Variants in TTN observed in about 807,000 individuals in gnomAD.
The protein encoded by TTN is titin.
In TTN, 1,525 loss-of-function variants were observed where a neutral mutation model predicts 3,223.0. That is an observed-to-expected ratio of 0.47 (90% CI 0.45 to 0.49). The LOEUF is 0.49. Ranked by LOEUF, TTN falls within the 20% of genes least tolerant of loss-of-function variation. The probability of loss-of-function intolerance (pLI) is 0.00; values close to 1 mark genes in which losing one functional copy is unlikely to be tolerated. For synonymous variants in TTN, 14,094 were observed against 15,161.0 expected, an observed-to-expected ratio of 0.93 and a Z score of 5.17; for missense variants, 40,786 against 43,424.0, an observed-to-expected ratio of 0.94 and a Z score of 5.40.
intron 218 of TTN, chr2:178,644,145 T>A (rs1405057071): frequency 6.4e-6 from 1 of 155,352 alleles, no homozygotes; most frequent in Non-Finnish European, 1.4e-5. Context: ...AAAAGGAAGA[T>A]AGGACTTATT....
Position 178,590,098 on chromosome 2 carries a change from C to T in TTN, c.61627G>A (p.Asp20543Asn). The part of the protein sequence containing the change: ...ELQIKEAVRA[D>N]HGKYIISAKN... The stretch of plus-strand genomic sequence containing the variant: ...GCTGAGATGATATACTTGCCATGAT[C>T]AGCTCTAACAGCTTCTTTAATTTGT... The change falls in exon 304 of 363, where the codon GAT becomes AAT. Residue 20543 changes from aspartate (D) to asparagine (N), a missense_variant. Asp to Asn is a conservative substitution (Grantham distance 23, BLOSUM62 1). Coordinates refer to ENST00000589042, the MANE Select transcript of TTN (RefSeq NM_001267550.2). 2 of 1,613,202 alleles carry T rather than the reference C, an allele frequency of 1.2e-6. No homozygotes were observed. The highest frequency in any genetic ancestry group is 8.5e-7 in the Non-Finnish European group (1 of 1,179,470).
chr2:178,664,436 A>G, intron 168 of TTN, 24 bp downstream of exon 168: 1 of 1,580,190 alleles, frequency 6.3e-7, no homozygotes, highest in Non-Finnish European at 8.6e-7. Flanking sequence ...CTATCCCACC[A>G]TAAAAAGACA....
At position 178,580,500 on chromosome 2, in the gene TTN, A is replaced by G; in HGVS notation, c.66879T>C (p.Ile22293=). The change falls in exon 317 of 363, where the codon ATT becomes ATC. Residue 22293 remains isoleucine (I), a synonymous_variant. Coordinates refer to ENST00000589042, the MANE Select transcript of TTN (RefSeq NM_001267550.2). ...VPVKGRPPPK[I]TWSKPNVNLR... is the part of the protein sequence containing the mutation. The stretch of plus-strand genomic sequence containing the variant: ...GATTGACATTTGGTTTAGACCAAGT[A>G]ATCTTTGGAGGTGGGCGTCCTTTTA... 1 of 1,612,982 alleles carries G rather than the reference A, an allele frequency of 6.2e-7. No homozygotes were observed. The highest frequency in any genetic ancestry group is 2.2e-5 in the East Asian group (1 of 44,674).
rs2049807287 is a variant in TTN at position 178,589,707 on chromosome 2, T to G, written c.62018A>C (p.Glu20673Ala). 6.2e-7 allele frequency: 1 copy of G among 1,613,578 alleles called. No homozygotes were observed. Among genetic ancestry groups the G allele is most frequent in the Non-Finnish European group, 8.5e-7 (1 of 1,179,614 alleles). ...INPIDRPGEP[E>A]NLHIADKGKT... is the part of the protein sequence containing the mutation. ...TCCTTTATCTGCAATGTGAAGGTTT[T>G]CAGGCTCACCTGGTCTGTCAATAGG... is the stretch of plus-strand genomic sequence containing the variant. Residue 20673 changes from glutamate (E) to alanine (A), a missense_variant, in exon 304 of 363, where the codon GAA (glutamate) becomes GCA (alanine). Glu to Ala is a moderately radical substitution (Grantham distance 107). Transcript: ENST00000589042.
chr2:178,785,637 T>C lies in TTN; in HGVS notation c.2476A>G (p.Thr826Ala), dbSNP rs1328325057. Residue 826 changes from threonine (T) to alanine (A), a missense_variant, in exon 15 of 363, where the codon ACA becomes GCA. Coordinates refer to ENST00000589042, the MANE Select transcript of TTN (RefSeq NM_001267550.2). ...CTTCTTACCTCATATCCATGTTCTG[T>C]CTTAGGAACAGAAATTTTTGAAACA... ...FTVSKISVPK[T>A]EHGYEASIAG... 6.2e-7 allele frequency: 1 copy of C among 1,614,120 alleles called. No homozygotes were observed.
rs371958365 is a variant in TTN at position 178,666,959 on chromosome 2, C to A, written c.35798-58G>T. 5.6e-6 allele frequency: 7 copies of A among 1,249,334 alleles called. 1 individual carries two copies. In the South Asian group the frequency reaches 1.1e-4, roughly 19 times the overall value. The allele number at this position is 1,249,334 out of a possible 1,614,324, so 77.4% of individuals were successfully genotyped here. ...AAAAGGCAAAGGCATAAAGACATGA[C>A]ATACTAAGAAAGTTAGATATGTTAA... On this transcript the variant is annotated intron_variant, in intron 162 of 362. Transcript: ENST00000589042.
chr2:178,667,512 G>T lies in TTN; in HGVS notation c.35643C>A (p.Pro11881=). Residue 11881 remains proline, a synonymous_variant, in exon 161 of 363, where the codon CCC becomes CCA. Transcript: ENST00000589042. ...KPKLAKVPEP[P]KKVVPEDKIY... The stretch of plus-strand genomic sequence containing the variant: ...TTTTGTCTTCTGGAACAACTTTCTT[G>T]GGTGGCTCAGGCACTTAAAAGATAT... 1.3e-6 allele frequency: 2 copies of T among 1,597,626 alleles called. No individual in the cohort carries two copies. Among genetic ancestry groups the T allele is most frequent in the Non-Finnish European group, 1.7e-6 (2 of 1,179,108 alleles).
In TTN at chr2:178,633,887, T is replaced by C. The variant is rs374805748; in HGVS notation, c.42612A>G (p.Thr14204=). ...KTHKLEMKEV[T]LDDISQIKAQ... Reference sequence around the variant, plus strand: ...CTTTTATCTGAGATATATCATCCAATGTCACTTCTTTCATTTCCAATTTGT... The same window carrying C: ...CTTTTATCTGAGATATATCATCCAACGTCACTTCTTTCATTTCCAATTTGT... Residue 14204 remains threonine (T), a synonymous_variant, in exon 231 of 363, where the codon ACA becomes ACG. Transcript: ENST00000589042. 1.1e-5 allele frequency: 17 copies of C among 1,613,374 alleles called. No homozygotes were observed. Among genetic ancestry groups the C allele is most frequent in the Non-Finnish European group, 1.4e-5 (17 of 1,179,592 alleles).
At chr2:178,801,934 A>G (rs919895555) in intron 3 of TTN, among the ~76,000 whole-genome samples, 1 of 152,232 alleles carries the variant, frequency 6.6e-6, no homozygotes, top group African/African-American at 2.4e-5. Flanking sequence ...ACTGATTCTC[A>G]GTCACTTTTA....
At chr2:178,751,190 C>T (rs1250208356) in intron 47 of TTN, 2 of 1,610,574 alleles carry the variant, frequency 1.2e-6, no homozygotes, top group African/African-American at 1.3e-5. Context: ...ATCTTTATCA[C>T]TAGCTTCACT....
rs777150584 is a variant in TTN at position 178,548,805 on chromosome 2, C to T, written c.92821G>A (p.Ala30941Thr). The T allele has an allele frequency of 1.6e-5, 26 of 1,612,582 alleles. No homozygotes were observed. Among genetic ancestry groups the T allele is most frequent in the Middle Eastern group, 1.6e-4 (1 of 6,080 alleles). ...FKQTHVVRAG[A>T]SIRLFIAYQG... Reference sequence around the variant, plus strand: ...TAGGCAATGAAGAGGCGAATACTGGCCCCAGCTCTAACAACATGAGTCTGT... The same window carrying T: ...TAGGCAATGAAGAGGCGAATACTGGTCCCAGCTCTAACAACATGAGTCTGT... The change falls in exon 339 of 363, where the codon GCC becomes ACC. Residue 30941 changes from alanine (A) to threonine (T), a missense_variant. Ala to Thr is a moderately conservative substitution (Grantham distance 58). Transcript: ENST00000589042. The surrounding 1 kb of genome is among the most constrained non-coding windows in gnomAD (Gnocchi z 4.3).
At chr2:178,600,229 A>G (rs1037282799) in intron 288 of TTN, among the ~76,000 whole-genome samples, 14 of 151,908 alleles carry the variant, frequency 9.2e-5, no homozygotes, top group African/African-American at 3.4e-4. Context: ...ATACACAAGA[A>G]GGTGAATTCC....
In TTN at chr2:178,557,837, A is replaced by G; in HGVS notation, c.87517T>C (p.Tyr29173His). 6.2e-7 allele frequency: 1 copy of G among 1,613,942 alleles called. No homozygotes were observed. Among genetic ancestry groups the G allele is most frequent in the Non-Finnish European group, 8.5e-7 (1 of 1,179,838 alleles). The stretch of plus-strand genomic sequence containing the variant: ...CTTGTTTCTCTTTTGAGTAGAATGT[A>G]GTTGGTAACTTGACTTCCACCGTCA... ...KYDGGSQVTNYILLKRETSTA... is the reference protein window; with the variant it reads ...KYDGGSQVTNHILLKRETSTA... The change falls in exon 328 of 363, where the codon TAC (tyrosine) becomes CAC (histidine). Residue 29173 changes from tyrosine (Y) to histidine (H), a missense_variant. By Grantham distance (83) the Tyr-to-His change is moderately conservative. Coordinates refer to ENST00000589042, the MANE Select transcript of TTN (RefSeq NM_001267550.2).
At chr2:178,675,650 C>A in intron 149 of TTN, 21 bp downstream of exon 149, 1 of 1,391,128 alleles carries the variant, frequency 7.2e-7, no homozygotes, top group Non-Finnish European at 9.3e-7. Flanking sequence ...GCAAACATAT[C>A]CCTGTTATGG....
chr2:178,653,040 C>G lies in TTN; in HGVS notation c.38875+1G>C. 6.2e-7 allele frequency: 1 copy of G among 1,613,036 alleles called. No homozygotes were observed. The highest frequency in any genetic ancestry group is 1.3e-5 in the African/African-American group (1 of 74,910). On this transcript the variant is annotated splice_donor_variant, in intron 199 of 362. Coordinates refer to ENST00000589042, the MANE Select transcript of TTN (RefSeq NM_001267550.2). LOFTEE classifies it high-confidence loss of function. ...TGAAGCCTAAAGCCAGTGACAAATA[C>G]CTTTAACAGGTGGGACTTCAGGTTT...
Position 178,711,977 on chromosome 2 carries a change from C to T in TTN, c.27853G>A (p.Glu9285Lys). 6.2e-7 allele frequency: 1 copy of T among 1,607,234 alleles called. No homozygotes were observed. Among genetic ancestry groups the T allele is most frequent in the Non-Finnish European group, 8.5e-7 (1 of 1,175,610 alleles). Reference protein sequence around the residue: ...YICKAENSVGEVSASTFLTVQ... With the variant: ...YICKAENSVGKVSASTFLTVQ... ...GTAAGGAAAGTTGATGCAGAAACTT[C>T]TCCCACGCTGTTTTCAGCTTTGCAG... The change falls in exon 96 of 363, where the codon GAA becomes AAA. Residue 9285 changes from glutamate to lysine, a missense_variant. By Grantham distance (56) the Glu-to-Lys change is moderately conservative. Coordinates refer to ENST00000589042, the MANE Select transcript of TTN (RefSeq NM_001267550.2).
Position 178,611,917 on chromosome 2 carries a change from A to C in TTN, c.50392T>G (p.Trp16798Gly). 3 of 1,612,594 alleles carry C rather than the reference A, an allele frequency of 1.9e-6. No individual in the cohort carries two copies. In the South Asian group the frequency reaches 3.3e-5, roughly 18 times the overall value. Residue 16798 changes from tryptophan (W) to glycine (G), a missense_variant, in exon 268 of 363, where the codon TGG becomes GGG. Transcript: ENST00000589042. ...IEKKERLGTRWVKAGKTAGPD... is the reference protein window; with the variant it reads ...IEKKERLGTRGVKAGKTAGPD... ...CCTGCAGTCTTTCCAGCTTTCACCC[A>C]ACGGGTACCTAACCTTTCTTTCTTC...
intron 331 of TTN, 27 bp downstream of exon 331, chr2:178,554,838 T>C: frequency 6.2e-7 from 1 of 1,613,432 alleles, no homozygotes. Context: ...AAATGTAATA[T>C]GACAGTGGTC....
chr2:178,747,549 A>G (rs766161599), intron 47 of TTN: 11 of 1,613,170 alleles, frequency 6.8e-6, no homozygotes, highest in Non-Finnish European at 8.5e-6. Flanking sequence ...TGGTTGTAGT[A>G]TTCATACACA....
Sources: gnomAD v4.1 joint callset for allele counts (sites outside exome capture counted in the v4.1 genomes callset) on GRCh38, gnomAD v4.1.1 for gene constraint, Gnocchi (gnomAD v3.1) non-coding constraint, MANE v1.5 for transcripts, NCBI Gene and HGNC (gene_info 2026-07-23, HGNC 2026-07-21) for gene names.